MACF1: variants seen among roughly 807,000 people sequenced by gnomAD.
The protein encoded by MACF1 is microtubule-actin cross-linking factor 1.
Under a neutral mutation model 854.8 loss-of-function variants are expected in MACF1, and 193 were observed. The observed-to-expected ratio is 0.23, with a 90% confidence interval of 0.20 to 0.25. The LOEUF is 0.25. Ranked by LOEUF, MACF1 falls within the 10% of genes least tolerant of loss-of-function variation. The pLI is 1.00. For missense variants in MACF1, 7,722 were observed against 8,929.1 expected, an observed-to-expected ratio of 0.86 and a Z score of 5.45; for synonymous variants, 3,185 against 3,226.7, an observed-to-expected ratio of 0.99 and a Z score of 0.44.
intron 15 of MACF1, among the ~76,000 whole-genome samples, chr1:39,289,377 T>C (rs1019602538): frequency 3.9e-5 from 6 of 152,196 alleles, no homozygotes; most frequent in African/African-American, 1.4e-4. Context: ...GCTTCCGTTT[T>C]CTCCATATCC....
At chr1:39,108,942 G>A (rs537918052) in intron 2 of MACF1, among the ~76,000 whole-genome samples, 13 of 152,302 alleles carry the variant, frequency 8.5e-5, no homozygotes, top group Middle Eastern at 6.8e-3. Context: ...TGGGTTATAC[G>A]AAGCTAGTTA....
intron 2 of MACF1, among the ~76,000 whole-genome samples, chr1:39,131,344 T>A (rs1356130278): frequency 1.3e-5 from 2 of 150,868 alleles, no homozygotes; most frequent in African/African-American, 4.9e-5. Flanking sequence ...TTTATTATTT[T>A]TTTTTTTTTT....
chr1:39,395,815 G>A (rs1250473543), intron 58 of MACF1, among the ~76,000 whole-genome samples: 1 of 151,766 alleles, frequency 6.6e-6, no homozygotes, highest in East Asian at 1.9e-4. Context: ...AGGCCTTTAA[G>A]TTTGCTTCAT....
chr1:39,394,243 A>T (rs1260564372), intron 58 of MACF1, among the ~76,000 whole-genome samples: 2 of 102,486 alleles, frequency 2.0e-5, no homozygotes, highest in Non-Finnish European at 4.0e-5. Flanking sequence ...CCTTCATTTG[A>T]TTGATTGATT....
At chr1:39,412,444 C>G in intron 58 of MACF1, 1 of 1,614,032 alleles carries the variant, frequency 6.2e-7, no homozygotes. Context: ...GCTGGATTAT[C>G]AAGCCACACT....
At chr1:39,221,238 A>G (rs546622978) in intron 1 of MACF1, among the ~76,000 whole-genome samples, 6 of 152,300 alleles carry the variant, frequency 3.9e-5, no homozygotes, top group South Asian at 4.2e-4. Flanking sequence ...AAAAACTGCA[A>G]TTGAATTTTA....
chr1:39,455,451 G>A (rs1644417122), intron 89 of MACF1, among the ~76,000 whole-genome samples: 2 of 152,316 alleles, frequency 1.3e-5, no homozygotes, highest in South Asian at 4.1e-4. Context: ...CTCTCAGCTA[G>A]GAGTTGCTCT....
In MACF1 at chr1:39,231,062, T is replaced by G. The variant is rs1644771998; in HGVS notation, c.110-120T>G. 12 of 763,868 alleles carry G rather than the reference T, an allele frequency of 1.6e-5. No individual in the cohort carries two copies. In the South Asian group the frequency reaches 1.8e-4, roughly 12 times the overall value. 47.3% of individuals were successfully genotyped at this position (763,868 alleles called of 1,614,324 possible). A position where few individuals can be genotyped will look rare whatever the true frequency, so the allele number is the denominator to read the frequency against. On this transcript the variant is annotated intron_variant, in intron 1 of 100. Transcript: ENST00000564288. ...CCAAACCTTCCTAAGAAGAAGTCAC[T>G]GTCCCACAGTTATGTGGGTAAGTTG... is the stretch of plus-strand genomic sequence containing the variant.
At position 39,105,845 on chromosome 1, in the gene MACF1, C is replaced by G. The variant is rs1056426742; in HGVS notation, c.220+21407C>G. On this transcript the variant is annotated intron_variant, in intron 2 of 93. Coordinates refer to the MACF1 transcript ENST00000361689. This position sits in a 1 kb window ranked among gnomAD's most constrained non-coding sequence, Gnocchi z 5.9. ...CGCACCCACCGCGCGGGGCTTGGCC[C>G]TGAGCTGCTGCTTCTCGGGGCCAGT... 4.1e-6 allele frequency: 3 copies of G among 722,904 alleles called. No homozygotes were observed. In the Admixed American group the frequency reaches 1.9e-4, roughly 45 times the overall value. 44.8% of individuals were successfully genotyped at this position (722,904 alleles called of 1,614,324 possible). A position where few individuals can be genotyped will look rare whatever the true frequency, so the allele number is the denominator to read the frequency against.
In MACF1 at chr1:39,357,151, A is replaced by G. The variant is rs778204340; in HGVS notation, c.11425-224A>G. On this transcript the variant is annotated intron_variant, in intron 44 of 100. Transcript: ENST00000564288. The stretch of plus-strand genomic sequence containing the variant: ...GTCAGCATCTAAATTAAAGGGCTAT[A>G]CCTAAAACAAGGGGCTGAACTGAAT... 7.2e-5 allele frequency among the ~76,000 whole-genome samples: 11 copies of G among 152,352 alleles called. No homozygotes were observed. The South Asian group carries it at 1.0e-3, about 14-fold the overall frequency.
chr1:39,228,611 C>T (rs540692311), intron 1 of MACF1, among the ~76,000 whole-genome samples: 36 of 152,326 alleles, frequency 2.4e-4, no homozygotes, highest in African/African-American at 8.4e-4. Flanking sequence ...ACTTTCAAGA[C>T]TCCATTAAGT....
At chr1:39,296,374 T>C (rs1645900255) in intron 20 of MACF1, among the ~76,000 whole-genome samples, 1 of 152,050 alleles carries the variant, frequency 6.6e-6, no homozygotes, top group Non-Finnish European at 1.5e-5. Context: ...CACCTCTTGA[T>C]GGGAGTAGCT....
intron 58 of MACF1, among the ~76,000 whole-genome samples, chr1:39,396,028 A>T (rs956071563): frequency 2.0e-5 from 3 of 152,232 alleles, no homozygotes; most frequent in African/African-American, 7.2e-5. Context: ...TGGAAATTTG[A>T]TAGCAAGGTG....
At chr1:39,454,684 C>T (rs1014758846) in intron 88 of MACF1, among the ~76,000 whole-genome samples, 2 of 152,026 alleles carry the variant, frequency 1.3e-5, no homozygotes, top group Non-Finnish European at 2.9e-5. Flanking sequence ...TCTGTAATCC[C>T]AGTTACTTGG....
chr1:39,244,723 C>T (rs1424406269), intron 2 of MACF1, among the ~76,000 whole-genome samples: 1 of 152,108 alleles, frequency 6.6e-6, no homozygotes, highest in East Asian at 1.9e-4. Flanking sequence ...GGATTATAGG[C>T]GTGTGCCACC....
intron 83 of MACF1, 79 bp downstream of exon 83, chr1:39,448,231 G>T: frequency 1.3e-6 from 2 of 1,493,194 alleles, no homozygotes; most frequent in South Asian, 1.3e-5. Context: ...AAAAATCAGA[G>T]CTAGTAAAAA....
At chr1:39,216,298 T>C (rs1312846946) in intron 1 of MACF1, among the ~76,000 whole-genome samples, 1 of 152,244 alleles carries the variant, frequency 6.6e-6, no homozygotes, top group Non-Finnish European at 1.5e-5. Context: ...TTTTAAGATA[T>C]CCCTACTTAG....
chr1:39,311,373 T>G (rs1040280285), intron 26 of MACF1, among the ~76,000 whole-genome samples: 1 of 152,198 alleles, frequency 6.6e-6, no homozygotes, highest in Non-Finnish European at 1.5e-5. Context: ...CCAATAAATA[T>G]AAGGAATGAC....
intron 2 of MACF1, among the ~76,000 whole-genome samples, chr1:39,150,799 TA>T (rs1279976153): frequency 6.6e-6 from 1 of 152,212 alleles, no homozygotes; most frequent in Non-Finnish European, 1.5e-5. Flanking sequence ...TCTCCTTCCC[TA>T]ACCTTTTGTG....
Sources: gnomAD v4.1 joint callset for allele counts (sites outside exome capture counted in the v4.1 genomes callset) on GRCh38, gnomAD v4.1.1 for gene constraint, Gnocchi (gnomAD v3.1) non-coding constraint, MANE v1.5 for transcripts, NCBI Gene and HGNC (gene_info 2026-07-23, HGNC 2026-07-21) for gene names.